TAFA1: variants seen among roughly 807,000 people sequenced by gnomAD.
The protein encoded by TAFA1 is TAFA chemokine like family member 1, also known as chemokine-like protein TAFA-1.
A neutral mutation model predicts 18.5 loss-of-function variants in TAFA1; 4 were observed. The observed-to-expected ratio is 0.22, with a 90% CI of 0.11 to 0.49. TAFA1 has a LOEUF of 0.49. Among genes scored for constraint, TAFA1 ranks in the 20% least tolerant of loss-of-function variants. TAFA1 has a pLI of 0.98. For synonymous variants in TAFA1, 56 were observed against 55.2 expected (o/e 1.01, Z -0.06); for missense variants, 147 against 169.0 (o/e 0.87, Z 0.72).
chr3:68,096,073 C>A (rs1331423068), intron 2 of TAFA1, among the ~76,000 whole-genome samples: 1 of 152,084 alleles, frequency 6.6e-6, no homozygotes, highest in African/African-American at 2.4e-5. Context: ...CCCCCTCCCA[C>A]TCACACACAC....
At chr3:68,543,393 C>T (rs2073408877) in intron 4 of TAFA1, among the ~76,000 whole-genome samples, 2 of 152,092 alleles carry the variant, frequency 1.3e-5, no homozygotes, top group Non-Finnish European at 2.9e-5. Flanking sequence ...CAGCAAACCA[C>T]GCTGGGTTTG....
chr3:68,006,395 C>A, intron 1 of TAFA1: 1 of 495,698 alleles, frequency 2.0e-6, no homozygotes, highest in South Asian at 3.0e-5. Flanking sequence ...TTTTGCCAAT[C>A]CTTGGAGTTT....
At chr3:68,144,882 T>G (rs769669677) in intron 2 of TAFA1, 2 of 653,672 alleles carry the variant, frequency 3.1e-6, no homozygotes, top group Non-Finnish European at 5.6e-6. Flanking sequence ...TACATTCCAT[T>G]TCCTCATCAA....
intron 2 of TAFA1, among the ~76,000 whole-genome samples, chr3:68,395,214 G>T (rs1320844847): frequency 6.6e-6 from 1 of 152,142 alleles, no homozygotes; most frequent in South Asian, 2.1e-4. Context: ...CTGGTCGTTA[G>T]AGAATTGCAT....
intron 2 of TAFA1, among the ~76,000 whole-genome samples, chr3:68,351,523 CAT>C (rs761308963): frequency 3.3e-5 from 5 of 151,990 alleles, no homozygotes; most frequent in Admixed American, 1.3e-4. Context: ...AGTTTATTAA[CAT>C]GTGTATTTTA....
chr3:68,050,565 G>A lies in TAFA1; in HGVS notation c.118+43821G>A, dbSNP rs114621040. Reference sequence around the variant, plus strand: ...TGTGTACAAAAGTACCTGACATATAGTAAGCCCTACCTTTGTGCTGGCTGC... The same window carrying A: ...TGTGTACAAAAGTACCTGACATATAATAAGCCCTACCTTTGTGCTGGCTGC... On this transcript the variant is annotated intron_variant, in intron 2 of 4. Coordinates refer to ENST00000478136, the MANE Select transcript of TAFA1 (RefSeq NM_213609.4). Among the ~76,000 whole-genome samples, 437 of 152,254 alleles carry A rather than the reference G, an allele frequency of 2.9e-3. 3 individuals are homozygous for A. Among genetic ancestry groups the A allele is most frequent in the African/African-American group, 0.01 (419 of 41,560 alleles).
At chr3:68,365,833 C>A (rs545906764) in intron 2 of TAFA1, among the ~76,000 whole-genome samples, 376 of 152,104 alleles carry the variant, frequency 2.5e-3, no homozygotes, top group Non-Finnish European at 4.4e-3. Context: ...CATGCCTGTA[C>A]TCCCAGCACT....
intron 3 of TAFA1, among the ~76,000 whole-genome samples, chr3:68,495,990 C>T (rs1436903225): frequency 7.9e-6 from 1 of 126,668 alleles, no homozygotes; most frequent in Non-Finnish European, 1.6e-5. Context: ...AACCTTCTTT[C>T]CCTGAAGCAA....
chr3:68,419,245 GACC>G (rs2070909675), intron 3 of TAFA1, among the ~76,000 whole-genome samples: 1 of 152,146 alleles, frequency 6.6e-6, no homozygotes, highest in African/African-American at 2.4e-5. Flanking sequence ...TGTGGTGGTA[GACC>G]GCAAGGGCTG....
chr3:68,070,104 G>A (rs937627137), intron 2 of TAFA1, among the ~76,000 whole-genome samples: 1 of 152,198 alleles, frequency 6.6e-6, no homozygotes, highest in Non-Finnish European at 1.5e-5. Context: ...ACTCTGTGTG[G>A]GGGCTCTAAT....
intron 2 of TAFA1, among the ~76,000 whole-genome samples, chr3:68,234,698 T>G (rs1413349111): frequency 6.6e-6 from 1 of 152,172 alleles, no homozygotes; most frequent in African/African-American, 2.4e-5. Context: ...TTTCACTCAT[T>G]GGTTAGTTTC....
Position 68,006,613 on chromosome 3 carries a change from G to A in TAFA1, c.-3-11G>A. 6.3e-7 allele frequency: 1 copy of A among 1,597,046 alleles called. No homozygotes were observed. Among genetic ancestry groups the A allele is most frequent in the East Asian group, 2.2e-5 (1 of 44,780 alleles). On this transcript the variant is annotated splice_polypyrimidine_tract_variant and intron_variant, in intron 1 of 4. Coordinates refer to ENST00000478136, the MANE Select transcript of TAFA1 (RefSeq NM_213609.4). ...CCGGAGGTAACCTTTCCTGTCGAAT[G>A]TTCTCTTTAGAGAATGGCAATGGTC... is the stretch of plus-strand genomic sequence containing the variant.
chr3:68,487,498 A>C (rs1319607308), intron 3 of TAFA1, among the ~76,000 whole-genome samples: 1 of 152,126 alleles, frequency 6.6e-6, no homozygotes, highest in African/African-American at 2.4e-5. Context: ...CTGTAATCCT[A>C]GCACTTTGGG....
chr3:68,382,743 G>A (rs2070001437), intron 2 of TAFA1, among the ~76,000 whole-genome samples: 1 of 152,100 alleles, frequency 6.6e-6, no homozygotes, highest in African/African-American at 2.4e-5. Context: ...GTTCTGTGAA[G>A]AATGTCATTG....
chr3:68,402,069 A>G (rs1484864998), intron 2 of TAFA1, among the ~76,000 whole-genome samples: 1 of 152,218 alleles, frequency 6.6e-6, no homozygotes, highest in African/African-American at 2.4e-5. Flanking sequence ...CATGTCAAGA[A>G]TTTAGCCAGC....
At chr3:68,118,284 C>T (rs935052012) in intron 2 of TAFA1, among the ~76,000 whole-genome samples, 5 of 152,092 alleles carry the variant, frequency 3.3e-5, no homozygotes, top group East Asian at 1.9e-4. Flanking sequence ...CCCTCACATG[C>T]GCACTTCATA....
rs542189207 is a variant in TAFA1 at position 68,240,187 on chromosome 3, C to T, written c.119-177093C>T. Among the ~76,000 whole-genome samples the T allele has an allele frequency of 2.0e-5, 3 of 152,240 alleles. No individual in the cohort carries two copies. The South Asian group carries it at 6.2e-4, about 32-fold the overall frequency. On this transcript the variant is annotated intron_variant, in intron 2 of 4. Coordinates refer to ENST00000478136, the MANE Select transcript of TAFA1 (RefSeq NM_213609.4). ...TTTTATGGCAAATGATCTAAGAATA[C>T]TCATATCTTCTTCCCAACTATACCA...
At position 68,289,407 on chromosome 3, in the gene TAFA1, C is replaced by T. The variant is rs543453491; in HGVS notation, c.119-127873C>T. On this transcript the variant is annotated intron_variant, in intron 2 of 4. Coordinates refer to ENST00000478136, the MANE Select transcript of TAFA1 (RefSeq NM_213609.4). Reference sequence around the variant, plus strand: ...TATCCCAAGGTCATAAAGATAGTCTCCATTATTATTTTGTAGAAGCATTAC... The same window carrying T: ...TATCCCAAGGTCATAAAGATAGTCTTCATTATTATTTTGTAGAAGCATTAC... Among the ~76,000 whole-genome samples, 4 of 140,222 alleles carry T rather than the reference C, an allele frequency of 2.9e-5. No homozygotes were observed. The South Asian group carries it at 9.1e-4, about 32-fold the overall frequency. The allele number at this position is 140,222 out of a possible 152,430, so 92.0% of individuals were successfully genotyped here. A position where few individuals can be genotyped will look rare whatever the true frequency, so the allele number is the denominator to read the frequency against.
At chr3:68,351,200 G>A (rs1050003498) in intron 2 of TAFA1, among the ~76,000 whole-genome samples, 3 of 152,112 alleles carry the variant, frequency 2.0e-5, no homozygotes, top group Non-Finnish European at 4.4e-5. Context: ...AAGAACAGCA[G>A]CACTAGAGCA....
Sources: gnomAD v4.1 joint callset for allele counts (sites outside exome capture counted in the v4.1 genomes callset) on GRCh38, gnomAD v4.1.1 for gene constraint, MANE v1.5 for transcripts, NCBI Gene and HGNC (gene_info 2026-07-23, HGNC 2026-07-21) for gene names.